Variants in CRB2 observed in about 807,000 individuals in gnomAD.
The protein encoded by CRB2 is protein crumbs homolog 2.
A neutral mutation model predicts 110.9 loss-of-function variants in CRB2; 85 were observed. The ratio of observed to expected loss-of-function variants is 0.77; its 90% CI spans 0.64 to 0.92. The LOEUF (loss-of-function observed/expected upper bound fraction) is 0.92, where lower values mean the gene tolerates loss of function less well. Among genes scored for constraint, CRB2 ranks in the 40% least tolerant of loss-of-function variants. The pLI, the probability that CRB2 is intolerant of heterozygous loss-of-function variation, is 0.00. For missense variants in CRB2, 1,843 were observed against 1,851.3 expected (o/e 1.00, Z 0.08); for synonymous variants, 907 against 831.0 (o/e 1.09, Z -1.57).
chr9:123,354,146 C>G (rs1292817019), upstream of CRB2, among the ~76,000 whole-genome samples: 8 of 152,242 alleles, frequency 5.3e-5, no homozygotes, highest in Non-Finnish European at 7.3e-5. Context: ...TGGCTTCCTC[C>G]CCGTCACGTG....
chr9:123,369,970 G>C, intron 6 of CRB2, 138 bp from the exon 7 acceptor site: 1 of 1,034,298 alleles, frequency 9.7e-7, no homozygotes, highest in South Asian at 1.6e-5. Flanking sequence ...GGACTTGAGG[G>C]GACCATGAGA....
intron 6 of CRB2, among the ~76,000 whole-genome samples, chr9:123,369,798 G>A (rs1212823120): frequency 6.6e-6 from 1 of 152,154 alleles, no homozygotes; most frequent in Non-Finnish European, 1.5e-5. Flanking sequence ...GAAGGCTGGC[G>A]AACTGGGGGA....
At chr9:123,374,405 G>A (rs541255977) in intron 10 of CRB2, among the ~76,000 whole-genome samples, 174 bp from the exon 11 acceptor site, 4 of 133,938 alleles carry the variant, frequency 3.0e-5, no homozygotes, top group South Asian at 2.4e-4. Flanking sequence ...TCTGGAAAGC[G>A]AGTGCAACCC....
chr9:123,371,215 C>T lies in CRB2; in HGVS notation c.2073C>T (p.Asp691=), dbSNP rs2042011060. Residue 691 remains aspartate, a synonymous_variant, in exon 8 of 13, where the codon GAC becomes GAT. Transcript: ENST00000373631. ...SAGLLLQFAN[D]SAAGLTVFLS... ...GCCTGTTGCTCCAGTTTGCCAATGA[C>T]TCCGCAGCTGGCCTAACAGTATTCC... 1 of 1,613,852 alleles carries T rather than the reference C, an allele frequency of 6.2e-7. No homozygotes were observed. Among genetic ancestry groups the T allele is most frequent in the Admixed American group, 1.7e-5 (1 of 60,008 alleles).
At chr9:123,374,047 G>A (rs1427272574) in intron 10 of CRB2, 127 bp downstream of exon 10, 5 of 1,160,560 alleles carry the variant, frequency 4.3e-6, no homozygotes, top group Non-Finnish European at 6.3e-6. Flanking sequence ...TCTGTGACAT[G>A]AGGAGGACAG....
At chr9:123,362,532 C>T (rs796491036) in intron 1 of CRB2, among the ~76,000 whole-genome samples, 17 of 152,254 alleles carry the variant, frequency 1.1e-4, no homozygotes, top group African/African-American at 3.1e-4. Flanking sequence ...ATGGGCATGA[C>T]GGATACTGCC....
In CRB2 at chr9:123,363,092, G is replaced by A. The variant is rs766137487; in HGVS notation, c.322G>A (p.Asp108Asn). 5.0e-6 allele frequency: 8 copies of A among 1,611,400 alleles called. No individual in the cohort carries two copies. The highest frequency in any genetic ancestry group is 6.8e-6 in the Non-Finnish European group (8 of 1,179,966). ...TTTCCAGGGCCCACGCTGCGAGCTG[G>A]ACATCGATGAGTGTGCATCCCGGCC... ...PGFQGPRCEL[D>N]IDECASRPCH... The change falls in exon 2 of 13, where the codon GAC (aspartate) becomes AAC (asparagine). Residue 108 changes from aspartate (D) to asparagine (N), a missense_variant. By Grantham distance (23) the Asp-to-Asn change is conservative. Transcript: ENST00000373631.
rs1554784754 is a variant in CRB2 at position 123,372,262 on chromosome 9, C to T, written c.2522C>T (p.Thr841Met). Residue 841 changes from threonine (T) to methionine (M), a missense_variant, in exon 9 of 13, where the codon ACG (threonine) becomes ATG (methionine). Physicochemically the swap from Thr to Met is moderately conservative, Grantham distance 81. Transcript: ENST00000373631. The stretch of plus-strand genomic sequence containing the variant: ...TGCCCTGCCAATTTCACGGGGCCTA[C>T]GTGTGCCCAGCAGCTGTGGTGTCCC... The part of the protein sequence containing the change: ...CTCPANFTGP[T>M]CAQQLWCPGQ... The T allele has an allele frequency of 6.2e-6, 10 of 1,613,866 alleles. No individual in the cohort carries two copies. Among genetic ancestry groups the T allele is most frequent in the South Asian group, 1.1e-5 (1 of 91,066 alleles).
chr9:123,375,462 G>A (rs1340699011), intron 12 of CRB2, 119 bp downstream of exon 12: 5 of 1,260,362 alleles, frequency 4.0e-6, no homozygotes, highest in African/African-American at 3.1e-5. Flanking sequence ...TCATGGGGTG[G>A]GGCAGTGAGA....
At position 123,367,200 on chromosome 9, in the gene CRB2, C is replaced by T. The variant is rs779313362; in HGVS notation, c.783C>T (p.Asp261=). The T allele has an allele frequency of 2.1e-5, 34 of 1,601,012 alleles. No individual in the cohort carries two copies. Among genetic ancestry groups the T allele is most frequent in the Admixed American group, 1.2e-4 (7 of 58,388 alleles). ...ACAGCGGCGAGCTGTGCGAGGTGGA[C>T]GAGGACGAGTGTGCATCGAGCCCCT... is the stretch of plus-strand genomic sequence containing the variant. ...PGYSGELCEV[D]EDECASSPCQ... is the part of the protein sequence containing the mutation. The change falls in exon 5 of 13, where the codon GAC becomes GAT. Residue 261 remains aspartate (D), a synonymous_variant. Coordinates refer to ENST00000373631, the MANE Select transcript of CRB2 (RefSeq NM_173689.7).
downstream of CRB2, among the ~76,000 whole-genome samples, chr9:123,379,105 C>T (rs990884489): frequency 8.1e-5 from 9 of 111,414 alleles, no homozygotes; most frequent in Non-Finnish European, 1.5e-4. Context: ...GCGCCCGGCC[C>T]GCGTGCCTGT....
chr9:123,356,452 C>T (rs2041800038), intron 1 of CRB2, 98 bp downstream of exon 1: 1 of 952,118 alleles, frequency 1.1e-6, no homozygotes, highest in South Asian at 1.9e-5. Context: ...GTGGGCTGGT[C>T]CGCGTGGGTG....
chr9:123,379,329 G>A (rs1037520701), downstream of CRB2, among the ~76,000 whole-genome samples: 2 of 152,220 alleles, frequency 1.3e-5, no homozygotes, highest in African/African-American at 4.8e-5. Context: ...GACCTGTGGG[G>A]GCGACTTGCC....
chr9:123,373,618 CCGGCCCGGCG>C lies in CRB2; in HGVS notation c.3094_3103del (p.Gly1032LeufsTer106). On this transcript the variant is annotated frameshift_variant, in exon 10 of 13. Coordinates refer to ENST00000373631, the MANE Select transcript of CRB2 (RefSeq NM_173689.7). LOFTEE classifies it high-confidence loss of function. The stretch of plus-strand genomic sequence containing the variant: ...GCCTGCCCCTGCCCTTGGCGCGGCC[CCGGCCCGGCG>C]CGGCCCCTGGCGCCCGAGAGCACTT... The C allele has an allele frequency of 1.5e-6, 2 of 1,362,344 alleles. No homozygotes were observed. Among genetic ancestry groups the C allele is most frequent in the Non-Finnish European group, 1.9e-6 (2 of 1,065,428 alleles). 84.4% of individuals were successfully genotyped at this position (1,362,344 alleles called of 1,614,324 possible).
In CRB2 at chr9:123,367,212, T is replaced by G; in HGVS notation, c.795T>G (p.Cys265Trp). The G allele has an allele frequency of 6.2e-7, 1 of 1,601,738 alleles. No homozygotes were observed. Among genetic ancestry groups the G allele is most frequent in the Non-Finnish European group, 8.5e-7 (1 of 1,178,326 alleles). ...GELCEVDEDE[C>W]ASSPCQHGGR... is the part of the protein sequence containing the mutation. Reference sequence around the variant, plus strand: ...TGTGCGAGGTGGACGAGGACGAGTGTGCATCGAGCCCCTGCCAGCATGGGG... The same window carrying G: ...TGTGCGAGGTGGACGAGGACGAGTGGGCATCGAGCCCCTGCCAGCATGGGG... Residue 265 changes from cysteine to tryptophan, a missense_variant, in exon 5 of 13, where the codon TGT becomes TGG. By Grantham distance (215) the Cys-to-Trp change is radical. Coordinates refer to ENST00000373631, the MANE Select transcript of CRB2 (RefSeq NM_173689.7).
At chr9:123,365,785 C>G in intron 2 of CRB2, 132 bp from the exon 3 acceptor site, 2 of 686,738 alleles carry the variant, frequency 2.9e-6, no homozygotes, top group South Asian at 2.5e-5. Context: ...CACCCCCCAA[C>G]CACCACCACC....
At chr9:123,360,570 A>T (rs1564368453) in intron 1 of CRB2, among the ~76,000 whole-genome samples, 2 of 152,182 alleles carry the variant, frequency 1.3e-5, no homozygotes, top group Non-Finnish European at 2.9e-5. Context: ...AAGTGAAAGG[A>T]ATCCCCCAGG....
At chr9:123,354,750 G>C (rs2041780614), upstream of CRB2, among the ~76,000 whole-genome samples, 1 of 152,242 alleles carries the variant, frequency 6.6e-6, no homozygotes, top group Non-Finnish European at 1.5e-5. Flanking sequence ...CAGGCCTCAA[G>C]GGCAGGGATG....
rs1375078263 is a variant in CRB2, at chr9:123,366,098, C to T, written c.600C>T (p.His200=). 3.3e-6 allele frequency: 5 copies of T among 1,514,160 alleles called. No homozygotes were observed. The Middle Eastern group carries it at 5.5e-4, about 166-fold the overall frequency. 93.8% of individuals were successfully genotyped at this position (1,514,160 alleles called of 1,614,324 possible). A position where few individuals can be genotyped will look rare whatever the true frequency, so the allele number is the denominator to read the frequency against. ...CGTGCGCACATGGGGGCACGTGCCA[C>T]GACCTGGTCAACGGGTGAGCGAGCG... is the stretch of plus-strand genomic sequence containing the variant. ...SQPCAHGGTC[H]DLVNGFRCDC... is the part of the protein sequence containing the mutation. The change falls in exon 3 of 13, where the codon CAC becomes CAT. Residue 200 remains histidine, a synonymous_variant. Transcript: ENST00000373631.
Sources: gnomAD v4.1 joint callset for allele counts (sites outside exome capture counted in the v4.1 genomes callset) on GRCh38, gnomAD v4.1.1 for gene constraint, MANE v1.5 for transcripts, NCBI Gene and HGNC (gene_info 2026-07-23, HGNC 2026-07-21) for gene names.